Variants in METTL2A observed in about 807,000 individuals in gnomAD.
METTL2A encodes tRNA N(3)-cytidine methyltransferase METTL2A.
Under a neutral mutation model 49.4 loss-of-function variants are expected in METTL2A, and 45 were observed. The ratio of observed to expected loss-of-function variants is 0.91; its 90% CI spans 0.72 to 1.17. The LOEUF (loss-of-function observed/expected upper bound fraction) is 1.17. Ranked by LOEUF, METTL2A falls within the 50% of genes most tolerant of loss-of-function variation. The probability of loss-of-function intolerance (pLI) is 0.00; values close to 1 mark genes in which losing one functional copy is unlikely to be tolerated. For missense variants in METTL2A, 361 were observed against 462.2 expected (o/e 0.78, Z 2.01); for synonymous variants, 118 against 167.5 (o/e 0.70, Z 2.28).
At chr17:62,434,413 A>C (rs753305178) in intron 4 of METTL2A, among the ~76,000 whole-genome samples, 2 of 152,124 alleles carry the variant, frequency 1.3e-5, no homozygotes, top group African/African-American at 2.4e-5. Flanking sequence ...GCATACTCCC[A>C]AAAATCCCAG....
At chr17:62,437,863 T>C (rs2070711462) in intron 5 of METTL2A, among the ~76,000 whole-genome samples, 1 of 151,962 alleles carries the variant, frequency 6.6e-6, no homozygotes, top group Non-Finnish European at 1.5e-5. Context: ...TCCCAGCTAC[T>C]TGGGAGGCTG....
rs370392709 is a variant in METTL2A, at chr17:62,427,206, G to T, written c.558+552G>T. On this transcript the variant is annotated intron_variant, in intron 3 of 8. Coordinates refer to ENST00000311506, the MANE Select transcript of METTL2A (RefSeq NM_181725.4). ...TTACTGGAAGCTGGTTCTGGAACTG[G>T]TCAGCCTTGGGATTGAGTCCTATGG... Among the ~76,000 whole-genome samples, 50 of 152,254 alleles carry T rather than the reference G, an allele frequency of 3.3e-4. 1 individual carries two copies. In the East Asian group the frequency reaches 4.6e-3, roughly 14 times the overall value.
At chr17:62,430,824 G>A (rs956032255) in intron 4 of METTL2A, among the ~76,000 whole-genome samples, 2 of 151,092 alleles carry the variant, frequency 1.3e-5, no homozygotes, top group African/African-American at 4.9e-5. Context: ...GATTACAGGT[G>A]CCCACCACCA....
chr17:62,444,781 A>G (rs1413514736), intron 6 of METTL2A, 56 bp from the exon 7 acceptor site: 4 of 1,581,876 alleles, frequency 2.5e-6, no homozygotes, highest in Non-Finnish European at 3.5e-6. Flanking sequence ...CTACAGGGAA[A>G]GAGAACCCCG....
chr17:62,443,122 C>G (rs1457861260), intron 6 of METTL2A, among the ~76,000 whole-genome samples: 6 of 152,182 alleles, frequency 3.9e-5, no homozygotes, highest in Non-Finnish European at 8.8e-5. Flanking sequence ...CCTATAATCC[C>G]ACCACTTTGG....
chr17:62,424,388 C>G (rs2070608730), intron 2 of METTL2A, 78 bp downstream of exon 2: 5 of 1,584,978 alleles, frequency 3.2e-6, no homozygotes, highest in East Asian at 4.5e-5. Flanking sequence ...GCCAGGGAAC[C>G]GCGGCCGCCC....
Position 62,452,353 on chromosome 17 carries a change from T to C in METTL2A, c.*3624T>C, listed in dbSNP as rs1262249802. Among the ~76,000 whole-genome samples, 2 of 152,222 alleles carry C rather than the reference T, an allele frequency of 1.3e-5. No individual in the cohort carries two copies. Among genetic ancestry groups the C allele is most frequent in the Non-Finnish European group, 2.9e-5 (2 of 68,044 alleles). On this transcript the variant is annotated 3_prime_UTR_variant, in exon 9 of 9. Coordinates refer to ENST00000311506, the MANE Select transcript of METTL2A (RefSeq NM_181725.4). Reference sequence around the variant, plus strand: ...TTGGTGATGTCACTTAGTTGTGTTGTCTGCCGGGTTCTGCCACTGTAAAGT... The same window carrying C: ...TTGGTGATGTCACTTAGTTGTGTTGCCTGCCGGGTTCTGCCACTGTAAAGT...
At chr17:62,446,444 G>A (rs568551004) in intron 7 of METTL2A, among the ~76,000 whole-genome samples, 1 of 152,254 alleles carries the variant, frequency 6.6e-6, no homozygotes, top group Non-Finnish European at 1.5e-5. Context: ...CCGAATAGCC[G>A]AGACTACAGG....
At chr17:62,431,109 C>G (rs553301902) in intron 4 of METTL2A, among the ~76,000 whole-genome samples, 1 of 152,278 alleles carries the variant, frequency 6.6e-6, no homozygotes, top group South Asian at 2.1e-4. Flanking sequence ...AGGTGATCCA[C>G]CCGCCTCAGC....
chr17:62,426,156 A>G (rs1359280763), intron 2 of METTL2A, 143 bp from the exon 3 acceptor site: 2 of 718,796 alleles, frequency 2.8e-6, no homozygotes, highest in African/African-American at 3.6e-5. Flanking sequence ...GACCTCAGAA[A>G]TGCCTTCAGT....
intron 7 of METTL2A, among the ~76,000 whole-genome samples, chr17:62,447,313 G>C (rs545682625): frequency 6.6e-6 from 1 of 152,118 alleles, no homozygotes; most frequent in African/African-American, 2.4e-5. Context: ...CCAGCTACTT[G>C]GGAGGCTGAG....
chr17:62,445,525 G>T (rs530685548), intron 7 of METTL2A, among the ~76,000 whole-genome samples: 27 of 152,278 alleles, frequency 1.8e-4, no homozygotes, highest in African/African-American at 6.3e-4. Context: ...ACAGCCGGGC[G>T]CAGTGGCTCA....
intron 4 of METTL2A, among the ~76,000 whole-genome samples, chr17:62,432,461 G>T (rs2070671799): frequency 6.6e-6 from 1 of 152,070 alleles, no homozygotes; most frequent in Admixed American, 6.6e-5. Context: ...CTGAGCCCAG[G>T]AGTTCAGGAC....
At chr17:62,431,275 A>G (rs900705758) in intron 4 of METTL2A, among the ~76,000 whole-genome samples, 6 of 152,104 alleles carry the variant, frequency 3.9e-5, no homozygotes, top group Non-Finnish European at 7.4e-5. Flanking sequence ...TGCTGGGATT[A>G]CAGGCATGAG....
chr17:62,433,973 G>C (rs1298816883), intron 4 of METTL2A, among the ~76,000 whole-genome samples: 1 of 152,014 alleles, frequency 6.6e-6, no homozygotes, highest in Non-Finnish European at 1.5e-5. Flanking sequence ...GAGGTGGGAG[G>C]ATCACTTGAA....
At chr17:62,426,138 G>A (rs2070624617) in intron 2 of METTL2A, among the ~76,000 whole-genome samples, 161 bp from the exon 3 acceptor site, 1 of 152,142 alleles carries the variant, frequency 6.6e-6, no homozygotes, top group African/African-American at 2.4e-5. Context: ...CAGATGGCAG[G>A]ACTAAATGAC....
At chr17:62,428,621 T>TAC (rs1255957441) in intron 4 of METTL2A, among the ~76,000 whole-genome samples, 1 of 152,218 alleles carries the variant, frequency 6.6e-6, no homozygotes, top group African/African-American at 2.4e-5. Flanking sequence ...ACACTTTACT[T>TAC]ACATTTATGT....
intron 6 of METTL2A, among the ~76,000 whole-genome samples, chr17:62,443,849 T>G (rs2070752080): frequency 6.6e-6 from 1 of 151,980 alleles, no homozygotes; most frequent in Admixed American, 6.6e-5. Flanking sequence ...GCCTTGGCCG[T>G]TTTTTTGTTT....
intron 4 of METTL2A, among the ~76,000 whole-genome samples, chr17:62,432,710 G>T (rs1470658965): frequency 6.6e-6 from 1 of 152,170 alleles, no homozygotes; most frequent in South Asian, 2.1e-4. Context: ...GCTGAGGCAG[G>T]AGAATGGCGT....
Sources: gnomAD v4.1 joint callset for allele counts (sites outside exome capture counted in the v4.1 genomes callset) on GRCh38, gnomAD v4.1.1 for gene constraint, MANE v1.5 for transcripts, NCBI Gene and HGNC (gene_info 2026-07-23, HGNC 2026-07-21) for gene names.